ROR1: variants seen among roughly 807,000 people sequenced by gnomAD.
ROR1 encodes the protein ROR family WNT receptor 1, also known as inactive tyrosine-protein kinase transmembrane receptor ROR1.
Under a neutral mutation model 78.8 loss-of-function variants are expected in ROR1, and 19 were observed. The ratio of observed to expected loss-of-function variants is 0.24; its 90% CI spans 0.17 to 0.35. The LOEUF is 0.35. ROR1 is among the 10% of genes least tolerant of loss of function. ROR1 has a pLI of 1.00. For synonymous variants in ROR1, 386 were observed against 433.6 expected (o/e 0.89, Z 1.36); for missense variants, 917 against 1,177.8 (o/e 0.78, Z 3.24).
At chr1:64,005,729 G>T (rs1211644196) in intron 1 of ROR1, among the ~76,000 whole-genome samples, 1 of 152,108 alleles carries the variant, frequency 6.6e-6, no homozygotes, top group Non-Finnish European at 1.5e-5. Context: ...TGTGAGGGGA[G>T]ATTATTAATA....
chr1:63,876,110 G>A (rs996377891), intron 1 of ROR1, among the ~76,000 whole-genome samples: 1 of 152,100 alleles, frequency 6.6e-6, no homozygotes, highest in African/African-American at 2.4e-5. Context: ...GGAGTCCCTC[G>A]TTCATTCTGT....
At chr1:64,112,172 T>C (rs1337993686) in intron 4 of ROR1, 1 of 152,204 alleles carries the variant, frequency 6.6e-6, no homozygotes, top group East Asian at 1.9e-4. Context: ...CTAGGTGAAT[T>C]GGCCTGCATG....
At chr1:63,931,432 A>G (rs190528727) in intron 1 of ROR1, among the ~76,000 whole-genome samples, 9 of 152,354 alleles carry the variant, frequency 5.9e-5, no homozygotes, top group Admixed American at 5.9e-4. Context: ...GCCAGTGACC[A>G]CATCTCAGAA....
Position 64,032,227 on chromosome 1 carries a change from GCTA to G in ROR1, c.164-17461_164-17459del, listed in dbSNP as rs1299006634. Among the ~76,000 whole-genome samples the G allele has an allele frequency of 2.0e-5, 3 of 151,046 alleles. No homozygotes were observed. In the East Asian group the frequency reaches 5.9e-4, roughly 30 times the overall value. ...ATGGTGGTGGGTGCCTGTAGTCCCA[GCTA>G]CTCAGGAGGCTGAGGCAGGAGAATG... On this transcript the variant is annotated intron_variant, in intron 2 of 8. Transcript: ENST00000371079.
At chr1:64,070,306 C>T (rs1646993084) in intron 4 of ROR1, among the ~76,000 whole-genome samples, 2 of 152,112 alleles carry the variant, frequency 1.3e-5, no homozygotes, top group South Asian at 4.1e-4. Flanking sequence ...GGATTTGAAT[C>T]TTGTCCCACC....
intron 4 of ROR1, among the ~76,000 whole-genome samples, chr1:64,123,650 G>A (rs1161033164): frequency 6.6e-6 from 1 of 151,090 alleles, no homozygotes; most frequent in Non-Finnish European, 1.5e-5. Flanking sequence ...ATATGAAAAA[G>A]ATGTTTAACT....
At chr1:63,828,445 C>T (rs890806438) in intron 1 of ROR1, among the ~76,000 whole-genome samples, 2 of 152,160 alleles carry the variant, frequency 1.3e-5, no homozygotes, top group Admixed American at 1.3e-4. Context: ...TGGCAGCTGT[C>T]ACTGTTTATA....
intron 1 of ROR1, among the ~76,000 whole-genome samples, chr1:63,942,987 G>A (rs1645853424): frequency 6.6e-6 from 1 of 151,606 alleles, no homozygotes; most frequent in African/African-American, 2.4e-5. Flanking sequence ...CTACTCAGGA[G>A]GCTGAAGTGG....
At chr1:63,944,588 T>A (rs1645869608) in intron 1 of ROR1, among the ~76,000 whole-genome samples, 1 of 152,210 alleles carries the variant, frequency 6.6e-6, no homozygotes, top group African/African-American at 2.4e-5. Flanking sequence ...AGGAGGAACT[T>A]GTATTTGTTG....
chr1:64,021,425 G>A (rs1646564676), intron 2 of ROR1, among the ~76,000 whole-genome samples: 1 of 152,168 alleles, frequency 6.6e-6, no homozygotes, highest in Non-Finnish European at 1.5e-5. Flanking sequence ...CAAAATTCCT[G>A]TCTCATGAAC....
At chr1:64,029,705 AT>A (rs1367453900) in intron 2 of ROR1, among the ~76,000 whole-genome samples, 13 of 152,132 alleles carry the variant, frequency 8.5e-5, no homozygotes, top group African/African-American at 3.1e-4. Context: ...ATCTTATCAG[AT>A]TAAGACCCCA....
intron 2 of ROR1, among the ~76,000 whole-genome samples, chr1:64,011,961 G>A (rs969177717): frequency 4.6e-5 from 7 of 152,286 alleles, no homozygotes; most frequent in Admixed American, 6.5e-5. Context: ...GGTCAATTTG[G>A]TAGATTGAGC....
chr1:63,988,924 TA>T (rs34473809), intron 1 of ROR1, among the ~76,000 whole-genome samples: 7,310 of 152,300 alleles, frequency 0.048, 607 homozygotes, highest in African/African-American at 0.17. Context: ...TTGGTTGTTA[TA>T]AATGCTGCCA....
At chr1:63,904,027 G>A (rs1645509214) in intron 1 of ROR1, among the ~76,000 whole-genome samples, 1 of 152,136 alleles carries the variant, frequency 6.6e-6, no homozygotes, top group African/African-American at 2.4e-5. Flanking sequence ...GAAAGGGAAG[G>A]ATTTTTCTAG....
At chr1:63,912,480 A>G (rs1285281462) in intron 1 of ROR1, among the ~76,000 whole-genome samples, 2 of 152,154 alleles carry the variant, frequency 1.3e-5, no homozygotes. Flanking sequence ...AGGCAGAGCT[A>G]TTGCCATTTA....
chr1:64,109,782 C>T (rs181976400), intron 4 of ROR1, among the ~76,000 whole-genome samples: 6 of 152,200 alleles, frequency 3.9e-5, no homozygotes, highest in Admixed American at 3.9e-4. Context: ...CTCCGCTCTG[C>T]CTTCCAAAGT....
chr1:63,998,156 G>A (rs566704533), intron 1 of ROR1, among the ~76,000 whole-genome samples: 1 of 152,194 alleles, frequency 6.6e-6, no homozygotes, highest in South Asian at 2.1e-4. Context: ...AAGAAAGCAT[G>A]AGACATGACC....
At chr1:63,903,088 G>T (rs1211097389) in intron 1 of ROR1, among the ~76,000 whole-genome samples, 1 of 152,156 alleles carries the variant, frequency 6.6e-6, no homozygotes, top group Non-Finnish European at 1.5e-5. Flanking sequence ...TGCCAGGGAG[G>T]CTGGAAAAAG....
chr1:64,011,109 G>A (rs1646471174), intron 2 of ROR1, among the ~76,000 whole-genome samples: 1 of 152,194 alleles, frequency 6.6e-6, no homozygotes, highest in African/African-American at 2.4e-5. Flanking sequence ...AGGCACTTTA[G>A]GATGGTGGAA....
Sources: allele counts gnomAD v4.1 joint callset (sites outside exome capture counted in the v4.1 genomes callset), GRCh38; gene constraint gnomAD v4.1.1; transcripts MANE v1.5; gene names NCBI Gene and HGNC (gene_info 2026-07-23, HGNC 2026-07-21).